Variants in ADGRL2 observed in about 807,000 individuals in gnomAD.
The protein encoded by ADGRL2 is adhesion G protein-coupled receptor L2.
Under a neutral mutation model 157.4 loss-of-function variants are expected in ADGRL2, and 44 were observed. The ratio of observed to expected loss-of-function variants is 0.28; its 90% CI spans 0.22 to 0.36. The LOEUF (loss-of-function observed/expected upper bound fraction) is 0.36. Among genes scored for constraint, ADGRL2 ranks in the 10% least tolerant of loss-of-function variants. The pLI is 1.00. For missense variants in ADGRL2, 1,510 were observed against 1,768.9 expected (o/e 0.85, Z 2.63); for synonymous variants, 585 against 624.7 (o/e 0.94, Z 0.95).
intron 2 of ADGRL2, among the ~76,000 whole-genome samples, chr1:81,544,159 A>G (rs1380132150): frequency 2.0e-5 from 3 of 152,282 alleles, no homozygotes; most frequent in South Asian, 2.1e-4. Flanking sequence ...CCATGCTACA[A>G]AAATAAGTAA....
intron 2 of ADGRL2, among the ~76,000 whole-genome samples, chr1:81,572,803 A>G (rs958014870): frequency 1.3e-5 from 2 of 152,018 alleles, no homozygotes; most frequent in Admixed American, 1.3e-4. Flanking sequence ...TTCAGCACTT[A>G]TAATATGGTA....
At chr1:81,681,503 G>A (rs1411124535) in intron 3 of ADGRL2, among the ~76,000 whole-genome samples, 1 of 152,182 alleles carries the variant, frequency 6.6e-6, no homozygotes, top group Non-Finnish European at 1.5e-5. Flanking sequence ...TCTATTTTGA[G>A]GTTACTTATC....
At chr1:81,322,940 C>T (rs1660632470) in intron 1 of ADGRL2, among the ~76,000 whole-genome samples, 1 of 151,284 alleles carries the variant, frequency 6.6e-6, no homozygotes, top group Middle Eastern at 3.4e-3. Context: ...TCACTGCAAC[C>T]TCCCACTCTT....
At chr1:81,684,548 T>C (rs1038848833) in intron 3 of ADGRL2, among the ~76,000 whole-genome samples, 1 of 152,182 alleles carries the variant, frequency 6.6e-6, no homozygotes, top group Non-Finnish European at 1.5e-5. Flanking sequence ...TTGTCAGACA[T>C]ATAGATCGTG....
At chr1:81,652,077 C>T (rs1359778501) in intron 3 of ADGRL2, among the ~76,000 whole-genome samples, 1 of 151,994 alleles carries the variant, frequency 6.6e-6, no homozygotes, top group African/African-American at 2.4e-5. Context: ...TGTTATACTA[C>T]CTTAGAATCT....
chr1:81,359,698 A>G (rs1222423317), intron 1 of ADGRL2, among the ~76,000 whole-genome samples: 1 of 152,022 alleles, frequency 6.6e-6, no homozygotes, highest in Non-Finnish European at 1.5e-5. Context: ...AATAGCTAAT[A>G]GACATCTCAA....
chr1:81,886,468 C>T (rs911942500), intron 2 of ADGRL2, among the ~76,000 whole-genome samples: 6 of 152,338 alleles, frequency 3.9e-5, no homozygotes, highest in Non-Finnish European at 5.9e-5. Flanking sequence ...CCATGCCCAG[C>T]TGGTACACCT....
intron 1 of ADGRL2, among the ~76,000 whole-genome samples, chr1:81,306,679 G>A (rs1659358159): frequency 6.6e-6 from 1 of 152,038 alleles, no homozygotes; most frequent in Non-Finnish European, 1.5e-5. Flanking sequence ...TTTAAGTGCT[G>A]GGTATTATAA....
intron 2 of ADGRL2, among the ~76,000 whole-genome samples, chr1:81,541,055 T>G (rs6672868): frequency 6.6e-6 from 1 of 152,200 alleles, no homozygotes; most frequent in African/African-American, 2.4e-5. Context: ...GAATGATATA[T>G]TGCCCCTGCC....
At chr1:81,475,699 A>C (rs143660125) in intron 2 of ADGRL2, among the ~76,000 whole-genome samples, 45 of 152,324 alleles carry the variant, frequency 3.0e-4, no homozygotes, top group Non-Finnish European at 5.1e-4. Flanking sequence ...AGAGAAGTAC[A>C]AAAGACAAGA....
intron 1 of ADGRL2, among the ~76,000 whole-genome samples, chr1:81,738,276 G>A (rs2084966935): frequency 6.6e-6 from 1 of 152,128 alleles, no homozygotes; most frequent in Non-Finnish European, 1.5e-5. Flanking sequence ...TGGAAGAACG[G>A]CAGATTCTCT....
At chr1:81,600,752 T>C (rs1172515742) in intron 3 of ADGRL2, among the ~76,000 whole-genome samples, 1 of 152,218 alleles carries the variant, frequency 6.6e-6, no homozygotes, top group Non-Finnish European at 1.5e-5. Flanking sequence ...ATGACATTAA[T>C]CAAGACAGAC....
intron 2 of ADGRL2, among the ~76,000 whole-genome samples, chr1:81,519,998 T>C (rs537224417): frequency 1.3e-5 from 2 of 152,198 alleles, no homozygotes; most frequent in African/African-American, 4.8e-5. Context: ...CTTCCTCAAG[T>C]CTTTTTTAAT....
chr1:81,503,700 T>C (rs2078906397), intron 2 of ADGRL2, among the ~76,000 whole-genome samples: 1 of 152,168 alleles, frequency 6.6e-6, no homozygotes, highest in African/African-American at 2.4e-5. Flanking sequence ...GGGATTGTCC[T>C]GGAGAACTGG....
intron 2 of ADGRL2, among the ~76,000 whole-genome samples, chr1:81,848,462 G>A (rs1301904687): frequency 6.6e-6 from 1 of 151,764 alleles, no homozygotes; most frequent in Non-Finnish European, 1.5e-5. Flanking sequence ...CAGTTTTCTT[G>A]CTGTAGAACT....
chr1:81,539,344 A>T (rs1352305127), intron 2 of ADGRL2, among the ~76,000 whole-genome samples: 1 of 152,138 alleles, frequency 6.6e-6, no homozygotes, highest in Non-Finnish European at 1.5e-5. Flanking sequence ...CCCCACCAGG[A>T]CTGTAAAACG....
chr1:81,623,837 A>G (rs2081851712), intron 3 of ADGRL2, among the ~76,000 whole-genome samples: 1 of 151,942 alleles, frequency 6.6e-6, no homozygotes, highest in African/African-American at 2.4e-5. Flanking sequence ...GAGTTTCACC[A>G]TGTTGGTCAG....
intron 2 of ADGRL2, among the ~76,000 whole-genome samples, chr1:81,880,574 C>G (rs2093959932): frequency 6.6e-6 from 1 of 152,106 alleles, no homozygotes; most frequent in Non-Finnish European, 1.5e-5. Flanking sequence ...TTGCCGGGTT[C>G]TCCCTTTACA....
chr1:81,403,393 C>T (rs376417612), intron 1 of ADGRL2, among the ~76,000 whole-genome samples: 2 of 151,998 alleles, frequency 1.3e-5, no homozygotes, highest in East Asian at 1.9e-4. Flanking sequence ...ACCTCCAAAG[C>T]AGCTGGGCCT....
Sources: allele counts gnomAD v4.1 joint callset (sites outside exome capture counted in the v4.1 genomes callset), GRCh38; gene constraint gnomAD v4.1.1; transcripts MANE v1.5; gene names NCBI Gene and HGNC (gene_info 2026-07-23, HGNC 2026-07-21).